Variants in XRN1 observed in about 807,000 individuals in gnomAD.
The protein encoded by XRN1 is 5'-3' exoribonuclease 1.
A neutral mutation model predicts 222.3 loss-of-function variants in XRN1; 67 were observed. That is an observed-to-expected ratio of 0.30 (90% CI 0.25 to 0.37). XRN1 has a LOEUF of 0.37. Ranked by LOEUF, XRN1 falls within the 10% of genes least tolerant of loss-of-function variation. The pLI is 1.00. For missense variants in XRN1, 1,707 were observed against 2,000.2 expected, an observed-to-expected ratio of 0.85 and a Z score of 2.80; for synonymous variants, 643 against 652.4, an observed-to-expected ratio of 0.99 and a Z score of 0.22.
intron 14 of XRN1, among the ~76,000 whole-genome samples, chr3:142,413,173 C>T (rs1209817532): frequency 6.6e-6 from 1 of 151,982 alleles, no homozygotes; most frequent in Non-Finnish European, 1.5e-5. Context: ...GAGAAATAGT[C>T]CAATAACACA....
intron 22 of XRN1, among the ~76,000 whole-genome samples, chr3:142,381,348 A>G (rs79366056): frequency 0.022 from 3,336 of 152,278 alleles, 53 homozygotes; most frequent in Middle Eastern, 0.037. Flanking sequence ...ATAAATTTAC[A>G]TTGACATAAT....
rs529071996 is a variant in XRN1, at chr3:142,326,113, C to T, written c.4404+3321G>A. Among the ~76,000 whole-genome samples the T allele has an allele frequency of 6.0e-5, 9 of 150,870 alleles. No individual in the cohort carries two copies. In the East Asian group the frequency reaches 9.7e-4, roughly 16 times the overall value. ...CTTTGTTCACTTTGCTCTGGATTGC[C>T]GTAGCTATTCAGGATCGTGTGCGGT... On this transcript the variant is annotated intron_variant, in intron 37 of 40. Coordinates refer to ENST00000392981, the MANE Select transcript of XRN1 (RefSeq NM_001282857.2).
chr3:142,328,780 A>C, intron 37 of XRN1, among the ~76,000 whole-genome samples: 1 of 104,282 alleles, frequency 9.6e-6, no homozygotes, highest in South Asian at 3.7e-4. Flanking sequence ...TGTTTCAGAG[A>C]CAAGGTCTTG....
At chr3:142,434,510 CTTT>C (rs371969192) in intron 1 of XRN1, among the ~76,000 whole-genome samples, 14 of 130,652 alleles carry the variant, frequency 1.1e-4, no homozygotes, top group Admixed American at 6.2e-4. Flanking sequence ...TTTTTTTACA[CTTT>C]TTTTTTTTTT....
At chr3:142,391,559 T>C (rs2107978022) in intron 20 of XRN1, among the ~76,000 whole-genome samples, 1 of 151,958 alleles carries the variant, frequency 6.6e-6, no homozygotes, top group East Asian at 1.9e-4. Context: ...TGATACCCCA[T>C]CTCTACAAAA....
chr3:142,306,810 T>C lies in XRN1; in HGVS notation c.*4701A>G, dbSNP rs2064975658. On this transcript the variant is annotated 3_prime_UTR_variant, in exon 41 of 41. Coordinates refer to ENST00000392981, the MANE Select transcript of XRN1 (RefSeq NM_001282857.2). ...CCAATGCAAGTTTAAAACACTTTAA[T>C]TGGCAGACAATGTAAAGATATTTAA... 6.5e-6 allele frequency: 1 copy of C among 152,728 alleles called. No individual in the cohort carries two copies. Among genetic ancestry groups the C allele is most frequent in the Middle Eastern group, 3.4e-3 (1 of 294 alleles). The allele number at this position is 152,728 out of a possible 1,614,324, so 9.5% of individuals were successfully genotyped here. A position where few individuals can be genotyped will look rare whatever the true frequency, so the allele number is the denominator to read the frequency against.
At chr3:142,355,253 T>TAA (rs11457481) in intron 32 of XRN1, 148 bp downstream of exon 32, 4,069 of 406,336 alleles carry the variant, frequency 0.01, 4 homozygotes, top group Non-Finnish European at 0.012. Context: ...TGAAATTATT[T>TAA]AAAAAAAGAA....
intron 37 of XRN1, among the ~76,000 whole-genome samples, chr3:142,322,555 A>G (rs1185390312): frequency 6.6e-6 from 1 of 152,006 alleles, no homozygotes. Flanking sequence ...GTGGGGTTGC[A>G]TGTGCCTGTA....
chr3:142,442,721 C>A (rs1053913242), intron 1 of XRN1, among the ~76,000 whole-genome samples: 1 of 152,018 alleles, frequency 6.6e-6, no homozygotes, highest in Non-Finnish European at 1.5e-5. Context: ...ACATTTCAAT[C>A]CCTGTATCTT....
chr3:142,311,168 C>G lies in XRN1; in HGVS notation c.*343G>C. On this transcript the variant is annotated 3_prime_UTR_variant, in exon 41 of 41. Transcript: ENST00000392981. The stretch of plus-strand genomic sequence containing the variant: ...GCTAACTGATGTCTAATTCATAGTT[C>G]AGGATGCTTCAATCATGAGGCCAAT... 1 of 165,896 alleles carries G rather than the reference C, an allele frequency of 6.0e-6. No homozygotes were observed. The highest frequency in any genetic ancestry group is 1.3e-5 in the Non-Finnish European group (1 of 76,678). 10.3% of individuals were successfully genotyped at this position (165,896 alleles called of 1,614,324 possible).
intron 33 of XRN1, among the ~76,000 whole-genome samples, chr3:142,344,503 T>C (rs2066084841): frequency 6.6e-6 from 1 of 152,138 alleles, no homozygotes; most frequent in Admixed American, 6.6e-5. Context: ...ATTGAGATTA[T>C]ATAGGAAAAA....
intron 1 of XRN1, among the ~76,000 whole-genome samples, chr3:142,443,009 A>G (rs2070306773): frequency 6.6e-6 from 1 of 152,190 alleles, no homozygotes; most frequent in Non-Finnish European, 1.5e-5. Flanking sequence ...CTGGGATTAC[A>G]GGCGTGAGCC....
chr3:142,400,878 C>T (rs1338145774), intron 18 of XRN1, among the ~76,000 whole-genome samples: 1 of 152,034 alleles, frequency 6.6e-6, no homozygotes, highest in Non-Finnish European at 1.5e-5. Flanking sequence ...GATTGCACCA[C>T]TGCACTCCAG....
intron 1 of XRN1, among the ~76,000 whole-genome samples, chr3:142,445,050 G>T (rs2070446393): frequency 6.6e-6 from 1 of 151,908 alleles, no homozygotes; most frequent in Admixed American, 6.6e-5. Flanking sequence ...TCTACTATTT[G>T]TCTTCTTTGC....
Position 142,423,006 on chromosome 3 carries a change from G to C in XRN1, c.711-84C>G. Reference sequence around the variant, plus strand: ...AAATGTAACAAAGCTTAAATCAAAAGTATCATCAGAAGATAGTAAGGTCTT... The same window carrying C: ...AAATGTAACAAAGCTTAAATCAAAACTATCATCAGAAGATAGTAAGGTCTT... On this transcript the variant is annotated intron_variant, in intron 6 of 40. Coordinates refer to ENST00000392981, the MANE Select transcript of XRN1 (RefSeq NM_001282857.2). The C allele has an allele frequency of 1.6e-5, 17 of 1,090,818 alleles. No homozygotes were observed. In the South Asian group the frequency reaches 1.7e-4, roughly 11 times the overall value. The allele number at this position is 1,090,818 out of a possible 1,614,324, so 67.6% of individuals were successfully genotyped here.
chr3:142,327,397 AT>A (rs1476262911), intron 37 of XRN1, among the ~76,000 whole-genome samples: 1 of 151,928 alleles, frequency 6.6e-6, no homozygotes, highest in East Asian at 1.9e-4. Context: ...ATAGTTGCTC[AT>A]AATAGTCTCT....
In XRN1 at chr3:142,312,660, C is replaced by T. The variant is rs1345366204; in HGVS notation, c.4720G>A (p.Gly1574Arg). 2 of 1,613,698 alleles carry T rather than the reference C, an allele frequency of 1.2e-6. No individual in the cohort carries two copies. Among genetic ancestry groups the T allele is most frequent in the South Asian group, 1.1e-5 (1 of 91,060 alleles). The change falls in exon 40 of 41, where the codon GGG becomes AGG. Residue 1574 changes from glycine to arginine, a missense_variant. Coordinates refer to ENST00000392981, the MANE Select transcript of XRN1 (RefSeq NM_001282857.2). Reference protein sequence around the residue: ...GKPFHHTLYSGTMPMAGGIPG... With the variant: ...GKPFHHTLYSRTMPMAGGIPG... ...ATTCCCCCAGCCATGGGCATGGTCCCAGAATATAAAGTATGATGGAAGGGC... is the reference window on the plus strand; with the variant it reads ...ATTCCCCCAGCCATGGGCATGGTCCTAGAATATAAAGTATGATGGAAGGGC...
chr3:142,384,810 A>G, intron 20 of XRN1, 125 bp from the exon 21 acceptor site: 1 of 705,380 alleles, frequency 1.4e-6, no homozygotes, highest in Non-Finnish European at 2.2e-6. Flanking sequence ...TTAAATAAAT[A>G]CGCTAGCAGT....
At chr3:142,329,375 C>T (rs963479693) in intron 37 of XRN1, 59 bp downstream of exon 37, 5 of 1,217,316 alleles carry the variant, frequency 4.1e-6, no homozygotes, top group Non-Finnish European at 5.3e-6. Flanking sequence ...CATTTTCAAC[C>T]AATTTATTTA....
Sources: gnomAD v4.1 joint callset for allele counts (sites outside exome capture counted in the v4.1 genomes callset) on GRCh38, gnomAD v4.1.1 for gene constraint, MANE v1.5 for transcripts, NCBI Gene and HGNC (gene_info 2026-07-23, HGNC 2026-07-21) for gene names.